IL1RAPL2: variants seen among roughly 807,000 people sequenced by gnomAD.
IL1RAPL2 encodes interleukin 1 receptor accessory protein like 2.
IL1RAPL2 carries 3 observed loss-of-function variants against 44.1 expected under a neutral mutation model. That is an observed-to-expected ratio of 0.07 (90% CI 0.03 to 0.18). The LOEUF is 0.18. Ranked by LOEUF, IL1RAPL2 falls within the 10% of genes least tolerant of loss-of-function variation. IL1RAPL2 has a pLI of 1.00. For missense variants in IL1RAPL2, 391 were observed against 496.4 expected, an observed-to-expected ratio of 0.79 and a Z score of 2.02; for synonymous variants, 181 against 178.8, an observed-to-expected ratio of 1.01 and a Z score of -0.10.
chrX:105,664,083 T>A (rs981487727), intron 6 of IL1RAPL2, among the ~76,000 whole-genome samples: 1 of 111,967 alleles, frequency 8.9e-6, no homozygotes, highest in African/African-American at 3.2e-5. Flanking sequence ...AGTTGAAGAA[T>A]TTAATGCCAG....
At chrX:105,086,405 A>C (rs757257044) in intron 2 of IL1RAPL2, among the ~76,000 whole-genome samples, 1 of 111,651 alleles carries the variant, frequency 9.0e-6, no homozygotes, top group Non-Finnish European at 1.9e-5. Flanking sequence ...ATAAGGCATA[A>C]TTTCACTTAT....
chrX:104,787,126 C>G lies in IL1RAPL2; in HGVS notation c.82+128131C>G, dbSNP rs188133898. ...CAGGCAACGTTTTCAGCACTGGGAACAGAGCAGTGAACAAAACAAAGTTCT... is the reference window on the plus strand; with the variant it reads ...CAGGCAACGTTTTCAGCACTGGGAAGAGAGCAGTGAACAAAACAAAGTTCT... On this transcript the variant is annotated intron_variant, in intron 2 of 10. Transcript: ENST00000372582. Among the ~76,000 whole-genome samples the G allele has an allele frequency of 3.6e-5, 4 of 111,068 alleles. No individual in the cohort carries two copies. In the East Asian group the frequency reaches 1.1e-3, roughly 31 times the overall value.
chrX:105,530,714 C>A (rs375715059), intron 6 of IL1RAPL2, among the ~76,000 whole-genome samples: 4 of 101,957 alleles, frequency 3.9e-5, no homozygotes, highest in South Asian at 1.0e-3. Context: ...TTAGCCATCC[C>A]TTCCCCCCCG....
At chrX:104,973,043 C>T (rs1221447719) in intron 2 of IL1RAPL2, among the ~76,000 whole-genome samples, 1 of 111,809 alleles carries the variant, frequency 8.9e-6, no homozygotes, top group Non-Finnish European at 1.9e-5. Context: ...CCAGTAGGGA[C>T]CTTTCAGTTA....
At chrX:105,558,255 T>G (rs2036909963) in intron 6 of IL1RAPL2, among the ~76,000 whole-genome samples, 1 of 111,452 alleles carries the variant, frequency 9.0e-6, no homozygotes, top group African/African-American at 3.3e-5. Flanking sequence ...TCGTGTAAAA[T>G]GGAGATAATA....
chrX:104,642,993 G>A (rs1226539014), intron 1 of IL1RAPL2, among the ~76,000 whole-genome samples: 1 of 111,784 alleles, frequency 8.9e-6, no homozygotes, highest in Non-Finnish European at 1.9e-5. Flanking sequence ...TCTGAGATAG[G>A]TAATTTTTAA....
intron 2 of IL1RAPL2, among the ~76,000 whole-genome samples, chrX:105,139,362 G>C (rs1168709646): frequency 1.8e-5 from 2 of 111,453 alleles, no homozygotes; most frequent in Non-Finnish European, 3.8e-5. Context: ...TTGAAAAAGG[G>C]GGGAGAATGT....
chrX:105,704,837 C>A (rs760061050), intron 6 of IL1RAPL2, among the ~76,000 whole-genome samples: 22 of 109,920 alleles, frequency 2.0e-4, no homozygotes, highest in Non-Finnish European at 3.6e-4. Context: ...TTACTATATA[C>A]GATGTAACCA....
intron 5 of IL1RAPL2, among the ~76,000 whole-genome samples, chrX:105,409,841 T>TAGATAGAG (rs1556311271): frequency 1.1e-5 from 1 of 89,501 alleles, no homozygotes; most frequent in Non-Finnish European, 2.2e-5. Context: ...GATAGATAGA[T>TAGATAGAG]AGATAGACAG....
chrX:104,828,430 CCT>C (rs1267380556), intron 2 of IL1RAPL2, among the ~76,000 whole-genome samples: 2 of 111,915 alleles, frequency 1.8e-5, no homozygotes, highest in African/African-American at 6.5e-5. Flanking sequence ...CACTCCAGAC[CCT>C]GTTTGCCTGG....
chrX:105,188,267 A>C (rs1398360240), intron 2 of IL1RAPL2, among the ~76,000 whole-genome samples: 3 of 110,999 alleles, frequency 2.7e-5, no homozygotes, highest in Non-Finnish European at 3.8e-5. Flanking sequence ...AGAGAAGCTC[A>C]CTGCTGAGCA....
intron 2 of IL1RAPL2, among the ~76,000 whole-genome samples, chrX:104,933,930 A>C (rs1483333189): frequency 8.9e-6 from 1 of 112,044 alleles, no homozygotes; most frequent in Non-Finnish European, 1.9e-5. Context: ...TGAAAGAAAA[A>C]ACAATGTGGA....
intron 2 of IL1RAPL2, among the ~76,000 whole-genome samples, chrX:104,880,948 T>A (rs745807986): frequency 9.6e-4 from 107 of 111,832 alleles, no homozygotes; most frequent in African/African-American, 3.2e-3. Context: ...GAGTCCTAAA[T>A]GTTTCAATAA....
intron 2 of IL1RAPL2, among the ~76,000 whole-genome samples, chrX:104,707,362 C>T (rs1931380118): frequency 9.0e-6 from 1 of 111,550 alleles, no homozygotes; most frequent in Admixed American, 9.5e-5. Context: ...TTTTAATATT[C>T]ACCACCCTTT....
rs199999184 is a variant in IL1RAPL2, at chrX:105,273,932, G to T, written c.697+6391G>T. ...AAATAAACTAAAACTTAGGTGAAAT[G>T]ATGTACCCAAAGTCACATACTCAGG... is the stretch of plus-strand genomic sequence containing the variant. On this transcript the variant is annotated intron_variant, in intron 5 of 10. Coordinates refer to ENST00000372582, the MANE Select transcript of IL1RAPL2 (RefSeq NM_017416.2). 1.4e-4 allele frequency among the ~76,000 whole-genome samples: 16 copies of T among 111,703 alleles called. No homozygotes were observed. In the East Asian group the frequency reaches 4.5e-3, roughly 32 times the overall value.
At chrX:104,866,742 T>C (rs1238098930) in intron 2 of IL1RAPL2, among the ~76,000 whole-genome samples, 1 of 111,901 alleles carries the variant, frequency 8.9e-6, no homozygotes, top group Non-Finnish European at 1.9e-5. Flanking sequence ...TTCTATGTAG[T>C]TGGGAGTTCA....
chrX:104,919,552 A>C (rs1924567748), intron 2 of IL1RAPL2, among the ~76,000 whole-genome samples: 1 of 79,016 alleles, frequency 1.3e-5, no homozygotes. Flanking sequence ...TTTCTGAGAC[A>C]GAGTCTCTTA....
intron 6 of IL1RAPL2, among the ~76,000 whole-genome samples, chrX:105,491,420 A>AT (rs1036925548): frequency 2.7e-5 from 3 of 111,455 alleles, no homozygotes; most frequent in African/African-American, 9.8e-5. Flanking sequence ...GAAGCAAGGG[A>AT]TTTTTTAAAT....
intron 7 of IL1RAPL2, among the ~76,000 whole-genome samples, chrX:105,730,014 T>TATTA (rs1388337190): frequency 9.0e-6 from 1 of 110,825 alleles, no homozygotes; most frequent in Non-Finnish European, 1.9e-5. Flanking sequence ...AGTCCTTACA[T>TATTA]ATTAATAATA....
Sources: allele counts gnomAD v4.1 joint callset (sites outside exome capture counted in the v4.1 genomes callset), GRCh38; gene constraint gnomAD v4.1.1; transcripts MANE v1.5; gene names NCBI Gene and HGNC (gene_info 2026-07-23, HGNC 2026-07-21).